NALCN: variants seen among roughly 807,000 people sequenced by gnomAD.
NALCN encodes sodium leak channel NALCN.
NALCN carries 111 observed loss-of-function variants against 225.3 expected under a neutral mutation model. The ratio of observed to expected loss-of-function variants is 0.49; its 90% CI spans 0.42 to 0.58. The LOEUF (loss-of-function observed/expected upper bound fraction) is 0.58, where lower values mean the gene tolerates loss of function less well. Among genes scored for constraint, NALCN ranks in the 20% least tolerant of loss-of-function variants. NALCN has a pLI of 0.00. For missense variants in NALCN, 1,378 were observed against 2,202.4 expected, an observed-to-expected ratio of 0.63 and a Z score of 7.49; for synonymous variants, 764 against 769.0, an observed-to-expected ratio of 0.99 and a Z score of 0.11.
intron 6 of NALCN, among the ~76,000 whole-genome samples, chr13:101,349,934 C>T (rs1036719042): frequency 2.0e-5 from 3 of 152,128 alleles, no homozygotes; most frequent in African/African-American, 4.8e-5. Context: ...GCTTCCAAAC[C>T]GTGGAGCAAA....
intron 3 of NALCN, among the ~76,000 whole-genome samples, chr13:101,393,670 G>A (rs569058196): frequency 8.6e-5 from 13 of 151,834 alleles, no homozygotes; most frequent in South Asian, 2.1e-4. Context: ...AGCCCGGGGT[G>A]GTGGCTTATG....
chr13:101,282,138 C>T (rs1314114849), intron 10 of NALCN, among the ~76,000 whole-genome samples: 2 of 152,098 alleles, frequency 1.3e-5, no homozygotes, highest in African/African-American at 4.8e-5. Flanking sequence ...CATATGATCC[C>T]ACAATCCCAC....
chr13:101,369,714 C>T (rs190072993), intron 6 of NALCN, among the ~76,000 whole-genome samples: 1 of 152,170 alleles, frequency 6.6e-6, no homozygotes, highest in East Asian at 1.9e-4. Context: ...TTGATTGTCT[C>T]CAACCCACAC....
chr13:101,208,491 C>A (rs2040405649), intron 13 of NALCN, among the ~76,000 whole-genome samples: 1 of 152,236 alleles, frequency 6.6e-6, no homozygotes, highest in Non-Finnish European at 1.5e-5. Context: ...GTATTCCCAA[C>A]TTAACTTGTT....
intron 13 of NALCN, among the ~76,000 whole-genome samples, chr13:101,215,828 A>G (rs959621399): frequency 6.6e-6 from 1 of 152,158 alleles, no homozygotes. Context: ...TACATTAGGT[A>G]TATCTCCTAA....
intron 17 of NALCN, among the ~76,000 whole-genome samples, chr13:101,134,311 T>A (rs1331139059): frequency 6.6e-6 from 1 of 152,254 alleles, no homozygotes; most frequent in Non-Finnish European, 1.5e-5. Flanking sequence ...ATGCCATGCA[T>A]ACACCAAATC....
chr13:101,205,620 A>G (rs2040282840), intron 13 of NALCN, among the ~76,000 whole-genome samples: 2 of 152,142 alleles, frequency 1.3e-5, no homozygotes, highest in Non-Finnish European at 2.9e-5. Flanking sequence ...GATTTATGCA[A>G]ATAGGGGACT....
chr13:101,153,636 C>T (rs1188696164), intron 15 of NALCN, among the ~76,000 whole-genome samples: 1 of 152,198 alleles, frequency 6.6e-6, no homozygotes. Flanking sequence ...GTGTCCCCCC[C>T]TGCCTCAGTG....
At chr13:101,341,338 C>A (rs2045553458) in intron 7 of NALCN, among the ~76,000 whole-genome samples, 1 of 152,178 alleles carries the variant, frequency 6.6e-6, no homozygotes. Flanking sequence ...AATTTGTAAG[C>A]ATTGTGCCAT....
At chr13:101,356,839 C>G (rs572118959) in intron 6 of NALCN, among the ~76,000 whole-genome samples, 14 of 152,248 alleles carry the variant, frequency 9.2e-5, no homozygotes, top group African/African-American at 3.4e-4. Context: ...GCTTACCCAC[C>G]ACAATCAAGT....
rs1009089499 is a variant in NALCN, at chr13:101,257,367, C to T, written c.1266+1076G>A. Among the ~76,000 whole-genome samples the T allele has an allele frequency of 2.6e-5, 4 of 152,168 alleles. No homozygotes were observed. In the East Asian group the frequency reaches 7.7e-4, roughly 29 times the overall value. On this transcript the variant is annotated intron_variant, in intron 11 of 43. Transcript: ENST00000251127. Reference sequence around the variant, plus strand: ...CATGAAGAGGAGAATTCAGAAGCGACTACTTAAAAGTTTCTTGATATCCAC... The same window carrying T: ...CATGAAGAGGAGAATTCAGAAGCGATTACTTAAAAGTTTCTTGATATCCAC...
chr13:101,125,305 G>A (rs575941580), intron 17 of NALCN, among the ~76,000 whole-genome samples: 6 of 152,172 alleles, frequency 3.9e-5, no homozygotes, highest in South Asian at 2.1e-4. Flanking sequence ...AAAGCAGGCA[G>A]AAGAAGGGCA....
At chr13:101,140,271 G>A (rs568543544) in intron 17 of NALCN, among the ~76,000 whole-genome samples, 59 of 152,238 alleles carry the variant, frequency 3.9e-4, no homozygotes, top group Non-Finnish European at 6.6e-4. Flanking sequence ...ACAGAGGGGC[G>A]GGCCACATTC....
At chr13:101,147,670 C>G (rs577736270) in intron 15 of NALCN, among the ~76,000 whole-genome samples, 59 of 152,256 alleles carry the variant, frequency 3.9e-4, no homozygotes, top group African/African-American at 1.4e-3. Context: ...TCCTGAGTAG[C>G]CGGGACTACA....
chr13:101,166,082 T>C lies in NALCN; in HGVS notation c.1839+10218A>G, dbSNP rs1594346766. On this transcript the variant is annotated intron_variant, in intron 15 of 43. Transcript: ENST00000251127. ...TGTGTAGCATGTGTCAGAGTTTTAT[T>C]CATGTTTAAGGCTGAATGATATTTC... Among the ~76,000 whole-genome samples the C allele has an allele frequency of 2.0e-5, 3 of 152,316 alleles. No homozygotes were observed. In the East Asian group the frequency reaches 5.8e-4, roughly 29 times the overall value.
chr13:101,195,280 T>G (rs191260628), intron 13 of NALCN, among the ~76,000 whole-genome samples: 4 of 152,376 alleles, frequency 2.6e-5, no homozygotes, highest in African/African-American at 9.6e-5. Context: ...CTTTATTGGT[T>G]TCCACCAACT....
At chr13:101,214,098 T>C (rs1290903800) in intron 13 of NALCN, among the ~76,000 whole-genome samples, 1 of 152,172 alleles carries the variant, frequency 6.6e-6, no homozygotes, top group Non-Finnish European at 1.5e-5. Context: ...GTATACACCA[T>C]GGAATACTAT....
chr13:101,392,015 CAAAAAAT>C (rs936127929), intron 3 of NALCN, among the ~76,000 whole-genome samples: 2 of 148,452 alleles, frequency 1.3e-5, no homozygotes, highest in African/African-American at 2.5e-5. Flanking sequence ...AAAAAAAAAA[CAAAAAAT>C]AAAAAATAAA....
At chr13:101,070,083 T>TC in intron 37 of NALCN, among the ~76,000 whole-genome samples, 1 of 149,372 alleles carries the variant, frequency 6.7e-6, no homozygotes, top group African/African-American at 2.5e-5. Flanking sequence ...TTTTTTTTTT[T>TC]TGAGACGGAG....
Sources: allele counts gnomAD v4.1 joint callset (sites outside exome capture counted in the v4.1 genomes callset), GRCh38; gene constraint gnomAD v4.1.1; transcripts MANE v1.5; gene names NCBI Gene and HGNC (gene_info 2026-07-23, HGNC 2026-07-21).